The following GRID1 variants were observed in gnomAD, a reference collection of about 807,000 sequenced individuals.
GRID1 encodes glutamate receptor ionotropic, delta-1.
Under a neutral mutation model 98.0 loss-of-function variants are expected in GRID1, and 28 were observed. That is an observed-to-expected ratio of 0.29 (90% CI 0.21 to 0.39). GRID1 has a LOEUF of 0.39. Among genes scored for constraint, GRID1 ranks in the 10% least tolerant of loss-of-function variants. GRID1 has a pLI of 1.00. For missense variants in GRID1, 1,111 were observed against 1,340.5 expected (o/e 0.83, Z 2.67); for synonymous variants, 553 against 538.5 (o/e 1.03, Z -0.37).
rs577288105 is a variant in GRID1, at chr10:85,800,580, C to T, written c.1233+53916G>A. On this transcript the variant is annotated intron_variant, in intron 8 of 15. Coordinates refer to ENST00000327946, the MANE Select transcript of GRID1 (RefSeq NM_017551.3). ...ATAGAATATAGCAAAAGTGGTAATT[C>T]GAGGAAAATATTTAACTTCCAATTC... 6.6e-5 allele frequency among the ~76,000 whole-genome samples: 10 copies of T among 151,900 alleles called. 1 individual carries two copies. The South Asian group carries it at 1.9e-3, about 28-fold the overall frequency.
intron 4 of GRID1, among the ~76,000 whole-genome samples, chr10:86,105,708 C>A (rs185508204): frequency 5.3e-5 from 8 of 152,306 alleles, no homozygotes; most frequent in Middle Eastern, 3.4e-3. Flanking sequence ...TGCCATCCCC[C>A]CTCTCCAGCA....
At chr10:86,067,931 A>G (rs1241761316) in intron 4 of GRID1, among the ~76,000 whole-genome samples, 1 of 152,200 alleles carries the variant, frequency 6.6e-6, no homozygotes, top group East Asian at 1.9e-4. Context: ...ATTTTACCAG[A>G]GAGCTCTCCC....
At chr10:85,969,112 GA>G (rs1842375331) in intron 4 of GRID1, among the ~76,000 whole-genome samples, 1 of 152,118 alleles carries the variant, frequency 6.6e-6, no homozygotes, top group East Asian at 1.9e-4. Flanking sequence ...ATTTTATAAT[GA>G]TAAAGTGTCC....
chr10:86,027,973 T>C (rs113997572), intron 4 of GRID1, among the ~76,000 whole-genome samples: 1,625 of 152,296 alleles, frequency 0.011, 30 homozygotes, highest in African/African-American at 0.037. Flanking sequence ...TTTATGTACA[T>C]CATCTGACTA....
intron 4 of GRID1, among the ~76,000 whole-genome samples, chr10:86,009,157 AT>A (rs963207723): frequency 2.5e-4 from 38 of 152,032 alleles, no homozygotes; most frequent in Non-Finnish European, 3.2e-4. Context: ...AAAGTGGACA[AT>A]TTTTTTTGAA....
rs1848676133 is a variant in GRID1 at position 86,366,208 on chromosome 10, C to T, written c.79+106G>A. On this transcript the variant is annotated intron_variant, in intron 1 of 15. Transcript: ENST00000327946. This position sits in a 1 kb window ranked among gnomAD's most constrained non-coding sequence, Gnocchi z 4.1. ...GGCGCGGCCCTTCGGGGGAGCACCG[C>T]CCGCCGAGCCCCTCGGCCCAGGGAA... The T allele has an allele frequency of 3.0e-6, 2 of 668,536 alleles. No homozygotes were observed. The highest frequency in any genetic ancestry group is 4.3e-5 in the Admixed American group (1 of 23,466). The allele number at this position is 668,536 out of a possible 1,614,324, so 41.4% of individuals were successfully genotyped here.
chr10:86,074,463 C>A (rs1843851978), intron 4 of GRID1, among the ~76,000 whole-genome samples: 1 of 152,048 alleles, frequency 6.6e-6, no homozygotes, highest in African/African-American at 2.4e-5. Context: ...AGATAATGAC[C>A]TAATTTATGC....
At chr10:86,253,869 A>G (rs140851471) in intron 2 of GRID1, among the ~76,000 whole-genome samples, 10 of 152,214 alleles carry the variant, frequency 6.6e-5, no homozygotes, top group Admixed American at 5.9e-4. Context: ...CGACCCTCAC[A>G]TCTATGACAA....
At position 85,752,606 on chromosome 10, in the gene GRID1, C is replaced by G. The variant is rs562480699; in HGVS notation, c.1234-22992G>C. ...TACTTATGGCAAGGTTCATTATTAA[C>G]CACTATAAATTTGATTTGATATTTT... On this transcript the variant is annotated intron_variant, in intron 8 of 15. Coordinates refer to ENST00000327946, the MANE Select transcript of GRID1 (RefSeq NM_017551.3). Among the ~76,000 whole-genome samples the G allele has an allele frequency of 8.5e-4, 130 of 152,216 alleles. 1 individual carries two copies. The highest frequency in any genetic ancestry group is 3.1e-3 in the African/African-American group (127 of 41,530).
intron 4 of GRID1, among the ~76,000 whole-genome samples, chr10:86,127,609 G>A (rs554080334): frequency 1.3e-5 from 2 of 152,282 alleles, no homozygotes; most frequent in East Asian, 3.9e-4. Flanking sequence ...GCTGAGTGCT[G>A]GACCACAAGC....
chr10:86,071,270 G>A (rs866291814), intron 4 of GRID1, among the ~76,000 whole-genome samples: 2 of 152,200 alleles, frequency 1.3e-5, no homozygotes, highest in Non-Finnish European at 2.9e-5. Context: ...TGGGAAGATA[G>A]AGCAGACCTG....
chr10:85,833,318 C>A (rs913527432), intron 8 of GRID1, among the ~76,000 whole-genome samples: 1 of 151,840 alleles, frequency 6.6e-6, no homozygotes, highest in Admixed American at 6.6e-5. Context: ...AGAAACCAGG[C>A]GGCCCAGCCT....
Position 86,192,139 on chromosome 10 carries a change from C to A in GRID1, c.520+14225G>T, listed in dbSNP as rs1369222728. Among the ~76,000 whole-genome samples the A allele has an allele frequency of 6.6e-6, 1 of 152,068 alleles. No homozygotes were observed. The highest frequency in any genetic ancestry group is 2.4e-5 in the African/African-American group (1 of 41,396). Reference sequence around the variant, plus strand: ...AAACAGTGTGGCACAAAAATGCCCACCACACACAAACACATACAATCCCAT... The same window carrying A: ...AAACAGTGTGGCACAAAAATGCCCAACACACACAAACACATACAATCCCAT... On this transcript the variant is annotated intron_variant, in intron 3 of 15. Transcript: ENST00000327946. The surrounding 1 kb of genome is among the most constrained non-coding windows in gnomAD (Gnocchi z 4.8).
intron 2 of GRID1, among the ~76,000 whole-genome samples, chr10:86,330,102 G>C (rs1339875369): frequency 6.6e-6 from 1 of 152,090 alleles, no homozygotes; most frequent in South Asian, 2.1e-4. Context: ...CTGTATCATG[G>C]ACGAGACCGT....
intron 2 of GRID1, among the ~76,000 whole-genome samples, chr10:86,316,987 G>A (rs929312982): frequency 6.6e-6 from 1 of 152,112 alleles, no homozygotes; most frequent in African/African-American, 2.4e-5. Context: ...GGGGGTGTTG[G>A]GACAGGAATC....
intron 4 of GRID1, among the ~76,000 whole-genome samples, chr10:86,108,133 T>C (rs577630380): frequency 3.3e-4 from 51 of 152,266 alleles, no homozygotes; most frequent in African/African-American, 1.1e-3. Context: ...CATTCACTCC[T>C]AGACATCGCC....
chr10:86,169,089 G>A (rs1201876986), intron 3 of GRID1, among the ~76,000 whole-genome samples: 1 of 152,216 alleles, frequency 6.6e-6, no homozygotes, highest in African/African-American at 2.4e-5. Flanking sequence ...CACTGGTTCA[G>A]GCCAATCCAG....
chr10:86,201,514 A>C (rs1183019554), intron 3 of GRID1, among the ~76,000 whole-genome samples: 1 of 152,130 alleles, frequency 6.6e-6, no homozygotes. Flanking sequence ...AACAACACAC[A>C]CTGGGGCCTA....
At chr10:86,359,729 C>T (rs950816239) in intron 2 of GRID1, among the ~76,000 whole-genome samples, 1 of 152,220 alleles carries the variant, frequency 6.6e-6, no homozygotes, top group African/African-American at 2.4e-5. Flanking sequence ...TGAGAAGACT[C>T]GTGCTCAGCC....
Sources: allele counts gnomAD v4.1 joint callset (sites outside exome capture counted in the v4.1 genomes callset), GRCh38; gene constraint gnomAD v4.1.1; non-coding constraint Gnocchi (gnomAD v3.1); transcripts MANE v1.5; gene names NCBI Gene and HGNC (gene_info 2026-07-23, HGNC 2026-07-21).